The following CDK5RAP1 variants were observed in gnomAD, a reference collection of about 807,000 sequenced individuals.
CDK5RAP1 encodes the protein mitochondrial tRNA methylthiotransferase CDK5RAP1.
Under a neutral mutation model 64.5 loss-of-function variants are expected in CDK5RAP1, and 62 were observed. The ratio of observed to expected loss-of-function variants is 0.96; its 90% CI spans 0.78 to 1.19. CDK5RAP1 has a LOEUF of 1.19. CDK5RAP1 is among the 50% of genes most tolerant of loss of function. CDK5RAP1 has a pLI of 0.00. For synonymous variants in CDK5RAP1, 250 were observed against 261.9 expected (o/e 0.95, Z 0.44); for missense variants, 657 against 735.0 (o/e 0.89, Z 1.23).
intron 11 of CDK5RAP1, 145 bp from the exon 12 acceptor site, chr20:33,367,153 C>G: frequency 1.4e-6 from 1 of 700,928 alleles, no homozygotes; most frequent in Non-Finnish European, 2.2e-6. Flanking sequence ...CAAGAGGTTT[C>G]TCTGGCTCTG....
At chr20:33,373,034 CTT>C (rs1014819932) in intron 9 of CDK5RAP1, 4 of 214,202 alleles carry the variant, frequency 1.9e-5, no homozygotes, top group South Asian at 1.5e-4. Context: ...ACCTCAGCCT[CTT>C]GAGTAGCTGG....
chr20:33,389,345 C>G (rs891654310), intron 5 of CDK5RAP1, among the ~76,000 whole-genome samples: 5 of 150,780 alleles, frequency 3.3e-5, no homozygotes, highest in Admixed American at 6.6e-5. Flanking sequence ...CCCCTCCGCG[C>G]GGCAGCCGCC....
intron 3 of CDK5RAP1, 119 bp downstream of exon 3, chr20:33,394,894 C>T (rs540600236): frequency 2.0e-4 from 138 of 698,672 alleles, no homozygotes; most frequent in Non-Finnish European, 3.4e-4. Context: ...GAACACTTCA[C>T]CCAAGGGAAC....
chr20:33,391,735 A>C (rs1372782872), intron 5 of CDK5RAP1, among the ~76,000 whole-genome samples: 1 of 152,000 alleles, frequency 6.6e-6, no homozygotes, highest in Non-Finnish European at 1.5e-5. Context: ...CAGGAGAATC[A>C]CTTGCACCCA....
chr20:33,383,742 A>C (rs1202598169), intron 7 of CDK5RAP1, among the ~76,000 whole-genome samples: 1 of 24,706 alleles, frequency 4.0e-5, no homozygotes, highest in African/African-American at 8.7e-5. Context: ...ACTCTGTCTC[A>C]AAAAAAAAAA....
intron 3 of CDK5RAP1, 108 bp from the exon 4 acceptor site, chr20:33,394,174 T>C (rs1988648474): frequency 1.3e-6 from 1 of 787,978 alleles, no homozygotes; most frequent in Non-Finnish European, 2.1e-6. Context: ...CTTTTTTTTT[T>C]TTTGAGACAG....
chr20:33,375,892 C>T lies in CDK5RAP1; in HGVS notation c.1108-1680G>A, dbSNP rs116548200. On this transcript the variant is annotated intron_variant, in intron 8 of 13. Coordinates refer to ENST00000346416, the MANE Select transcript of CDK5RAP1 (RefSeq NM_016408.4). ...TTTTAAATATATCGAGATAGGGTTT[C>T]ACTCTATCACCCTCGCTAGAGTGCA... Among the ~76,000 whole-genome samples the T allele has an allele frequency of 7.6e-3, 1,154 of 152,204 alleles. 12 individuals carry two copies. The highest frequency in any genetic ancestry group is 0.026 in the African/African-American group (1,098 of 41,524).
intron 5 of CDK5RAP1, among the ~76,000 whole-genome samples, chr20:33,390,039 G>A (rs534092550): frequency 6.6e-6 from 1 of 151,722 alleles, no homozygotes; most frequent in African/African-American, 2.4e-5. Context: ...CACTTTGGGA[G>A]GCCAAGGAGG....
chr20:33,371,289 A>G (rs1240842812), intron 10 of CDK5RAP1, among the ~76,000 whole-genome samples: 2 of 152,106 alleles, frequency 1.3e-5, no homozygotes, highest in African/African-American at 4.8e-5. Context: ...ATGATAACCT[A>G]TCCCCCACCA....
Position 33,379,486 on chromosome 20 carries a change from G to A in CDK5RAP1, c.1082C>T (p.Pro361Leu). ...CTCATCAGGAAAATCCTTGGGGTGG[G>A]GAGAGGTAAAACGGATCCTCATTTC... The part of the protein sequence containing the change: ...DPEMRIRFTS[P>L]HPKDFPDEVL... Residue 361 changes from proline to leucine, a missense_variant, in exon 8 of 14, where the codon CCC (proline) becomes CTC (leucine). By Grantham distance (98) the Pro-to-Leu change is moderately conservative. Transcript: ENST00000346416. The A allele has an allele frequency of 6.2e-7, 1 of 1,613,460 alleles. No individual in the cohort carries two copies. The highest frequency in any genetic ancestry group is 8.5e-7 in the Non-Finnish European group (1 of 1,179,442).
chr20:33,394,132 C>T lies in CDK5RAP1; in HGVS notation c.409-66G>A. On this transcript the variant is annotated intron_variant, in intron 3 of 13. Coordinates refer to ENST00000346416, the MANE Select transcript of CDK5RAP1 (RefSeq NM_016408.4). Reference sequence around the variant, plus strand: ...TCTTGGATATTAGCCTTGTACAATTCCTGCCCTACAGCTCTTTATTATTTT... The same window carrying T: ...TCTTGGATATTAGCCTTGTACAATTTCTGCCCTACAGCTCTTTATTATTTT... The T allele has an allele frequency of 5.6e-6, 6 of 1,066,424 alleles. No homozygotes were observed. The South Asian group carries it at 7.6e-5, about 14-fold the overall frequency. 66.1% of individuals were successfully genotyped at this position (1,066,424 alleles called of 1,614,324 possible).
chr20:33,397,090 A>T lies in CDK5RAP1; in HGVS notation c.-20-6T>A. 6.4e-7 allele frequency: 1 copy of T among 1,569,196 alleles called. No homozygotes were observed. The highest frequency in any genetic ancestry group is 8.6e-7 in the Non-Finnish European group (1 of 1,159,544). On this transcript the variant is annotated splice_region_variant and splice_polypyrimidine_tract_variant and intron_variant, in intron 1 of 13. Coordinates refer to ENST00000346416, the MANE Select transcript of CDK5RAP1 (RefSeq NM_016408.4). ...GGCACTAAACAGCCCACAGTCTGCA[A>T]AAGAATGACAGACATCACCAGCATT...
In CDK5RAP1 at chr20:33,396,799, T is replaced by C. The variant is rs142831645; in HGVS notation, c.266A>G (p.Tyr89Cys). The C allele has an allele frequency of 6.7e-5, 108 of 1,614,042 alleles. No homozygotes were observed. In the African/African-American group the frequency reaches 1.3e-3, roughly 19 times the overall value. The change falls in exon 2 of 14, where the codon TAT (tyrosine) becomes TGT (cysteine). Residue 89 changes from tyrosine to cysteine, a missense_variant. Tyr to Cys is a radical substitution (Grantham distance 194). Coordinates refer to ENST00000346416, the MANE Select transcript of CDK5RAP1 (RefSeq NM_016408.4). Reference protein sequence around the residue: ...LSSEVEDPPPYLMMDELLGRQ... With the variant: ...LSSEVEDPPPCLMMDELLGRQ... ...TCCAAGAAGTTCATCCATCATGAGA[T>C]AGGGAGGTGGGTCTTCCACTTCTGA...
At chr20:33,367,148 G>C in intron 11 of CDK5RAP1, 140 bp from the exon 12 acceptor site, 1 of 724,384 alleles carries the variant, frequency 1.4e-6, no homozygotes, top group Non-Finnish European at 2.1e-6. Flanking sequence ...AGAGGCAAGA[G>C]GTTTCTCTGG....
chr20:33,401,008 C>T (rs1283219894), intron 1 of CDK5RAP1, among the ~76,000 whole-genome samples: 6 of 152,230 alleles, frequency 3.9e-5, no homozygotes, highest in African/African-American at 1.4e-4. Context: ...GTAGAAGCCT[C>T]TCTGGAGGCT....
intron 7 of CDK5RAP1, among the ~76,000 whole-genome samples, chr20:33,381,302 A>T (rs1238974829): frequency 6.6e-6 from 1 of 152,226 alleles, no homozygotes; most frequent in Non-Finnish European, 1.5e-5. Context: ...CTTAAAAACA[A>T]GGGCATTCTC....
intron 8 of CDK5RAP1, among the ~76,000 whole-genome samples, chr20:33,378,363 C>T (rs745713385): frequency 3.3e-5 from 5 of 152,150 alleles, no homozygotes; most frequent in South Asian, 2.1e-4. Context: ...GTGGGTGTGG[C>T]TCATGGTGTT....
intron 5 of CDK5RAP1, among the ~76,000 whole-genome samples, chr20:33,388,738 C>T (rs999364112): frequency 6.6e-6 from 1 of 152,048 alleles, no homozygotes; most frequent in Admixed American, 6.5e-5. Context: ...GATTCTCCTG[C>T]CTCAACCTGC....
chr20:33,360,256 TA>T, intron 13 of CDK5RAP1, 94 bp downstream of exon 13: 1 of 1,256,658 alleles, frequency 8.0e-7, no homozygotes, highest in Non-Finnish European at 1.1e-6. Context: ...TTTATTTTAC[TA>T]AAATGTGTCT....
Sources: gnomAD v4.1 joint callset for allele counts (sites outside exome capture counted in the v4.1 genomes callset) on GRCh38, gnomAD v4.1.1 for gene constraint, MANE v1.5 for transcripts, NCBI Gene and HGNC (gene_info 2026-07-23, HGNC 2026-07-21) for gene names.